ENTREP2: variants seen among roughly 807,000 people sequenced by gnomAD.
ENTREP2 encodes the protein endosomal transmembrane epsin interactor 2, also known as protein ENTREP2.
the ENTREP2 span, among the ~76,000 whole-genome samples, chr15:29,350,995 A>G: frequency 2.0e-5 from 3 of 152,198 alleles, no homozygotes; most frequent in African/African-American, 7.2e-5. Flanking sequence ...TTCATAAGAG[A>G]TAAGAGAACA....
the ENTREP2 span, chr15:29,123,783 G>T: frequency 7.7e-6 from 7 of 905,660 alleles, no homozygotes; most frequent in Admixed American, 8.5e-5. Flanking sequence ...TGGCGCTCTG[G>T]GCATGCCCTG....
At chr15:29,273,051 A>C in the ENTREP2 span, among the ~76,000 whole-genome samples, 1 of 152,132 alleles carries the variant, frequency 6.6e-6, no homozygotes, top group South Asian at 2.1e-4. Context: ...AAGAAAGCCT[A>C]ATGGCATTTA....
chr15:29,159,590 G>A, the ENTREP2 span, among the ~76,000 whole-genome samples: 1 of 152,138 alleles, frequency 6.6e-6, no homozygotes, highest in Non-Finnish European at 1.5e-5. Context: ...GCTGATTGGT[G>A]CGTTTATAAT....
chr15:29,213,657 T>C, the ENTREP2 span, among the ~76,000 whole-genome samples: 2 of 152,210 alleles, frequency 1.3e-5, no homozygotes, highest in Non-Finnish European at 2.9e-5. Context: ...GAGACTTTGC[T>C]GAATTTGCTT....
chr15:29,332,606 G>A, the ENTREP2 span, among the ~76,000 whole-genome samples: 1 of 152,244 alleles, frequency 6.6e-6, no homozygotes, highest in South Asian at 2.1e-4. Context: ...AGACAATAGT[G>A]CCCAATGCAT....
chr15:29,335,968 C>A, the ENTREP2 span, among the ~76,000 whole-genome samples: 1 of 151,768 alleles, frequency 6.6e-6, no homozygotes, highest in African/African-American at 2.4e-5. Flanking sequence ...GGTGAAACCC[C>A]ATCTCTACTA....
the ENTREP2 span, among the ~76,000 whole-genome samples, chr15:29,137,348 G>A: frequency 6.6e-6 from 1 of 152,270 alleles, no homozygotes; most frequent in South Asian, 2.1e-4. Flanking sequence ...TTAAAATGAA[G>A]GCGCCAGGAG....
At chr15:29,516,613 G>A in the ENTREP2 span, among the ~76,000 whole-genome samples, 1 of 151,814 alleles carries the variant, frequency 6.6e-6, no homozygotes, top group Non-Finnish European at 1.5e-5. Context: ...GGGATGGGGG[G>A]GTGCAGGTAC....
At chr15:29,118,169 G>A in the ENTREP2 span, 1 of 152,640 alleles carries the variant, frequency 6.6e-6, no homozygotes, top group Non-Finnish European at 1.5e-5. Flanking sequence ...CCCAGGCCTT[G>A]AAGAATACAC....
At chr15:29,216,588 CTCAGGGACACTGA>C in the ENTREP2 span, among the ~76,000 whole-genome samples, 2 of 152,158 alleles carry the variant, frequency 1.3e-5, no homozygotes, top group Non-Finnish European at 2.9e-5. Flanking sequence ...TCTCTTCTTT[CTCAGGGACACTGA>C]TCATTCTTAG....
the ENTREP2 span, among the ~76,000 whole-genome samples, chr15:29,130,095 G>A: frequency 4.4e-4 from 67 of 152,222 alleles, no homozygotes; most frequent in African/African-American, 1.2e-3. Flanking sequence ...ACACCAGGGC[G>A]GGGGCTGGGG....
chr15:29,208,762 G>A, the ENTREP2 span, among the ~76,000 whole-genome samples: 1 of 152,148 alleles, frequency 6.6e-6, no homozygotes, highest in Admixed American at 6.5e-5. Flanking sequence ...AGCAATACAC[G>A]AGAATAGCCA....
At chr15:29,604,194 TCA>T in the ENTREP2 span, among the ~76,000 whole-genome samples, 1 of 152,204 alleles carries the variant, frequency 6.6e-6, no homozygotes, top group African/African-American at 2.4e-5. Flanking sequence ...AAAAAGATCA[TCA>T]GTCTACTTAG....
the ENTREP2 span, among the ~76,000 whole-genome samples, chr15:29,159,457 G>A: frequency 6.6e-6 from 1 of 152,200 alleles, no homozygotes; most frequent in African/African-American, 2.4e-5. Context: ...GGTTGCTACT[G>A]CTAGCTTGGG....
the ENTREP2 span, among the ~76,000 whole-genome samples, chr15:29,654,210 T>G: frequency 6.6e-6 from 1 of 152,196 alleles, no homozygotes; most frequent in Non-Finnish European, 1.5e-5. Flanking sequence ...TTTTTGTAAT[T>G]GTACACTAAA....
chr15:29,555,250 A>G, the ENTREP2 span, among the ~76,000 whole-genome samples: 1 of 152,130 alleles, frequency 6.6e-6, no homozygotes, highest in South Asian at 2.1e-4. Flanking sequence ...ACCTCTCCGT[A>G]GCACCTGAAT....
chr15:29,474,778 C>T, the ENTREP2 span, among the ~76,000 whole-genome samples: 2 of 152,120 alleles, frequency 1.3e-5, no homozygotes, highest in African/African-American at 4.8e-5. Context: ...TGGTCTCGAA[C>T]TCCTGACCTC....
At chr15:29,380,595 C>T in the ENTREP2 span, among the ~76,000 whole-genome samples, 3 of 152,116 alleles carry the variant, frequency 2.0e-5, no homozygotes, top group Admixed American at 6.5e-5. Context: ...CACAAATCTG[C>T]TCAGGGCATT....
the ENTREP2 span, among the ~76,000 whole-genome samples, chr15:29,283,484 G>T: frequency 6.6e-6 from 1 of 152,152 alleles, no homozygotes; most frequent in Non-Finnish European, 1.5e-5. Flanking sequence ...CAGTAGCTGG[G>T]ATTACAGGCA....
Sources: gnomAD v4.1 joint callset for allele counts (sites outside exome capture counted in the v4.1 genomes callset) on GRCh38, gnomAD v4.1.1 for gene constraint, MANE v1.5 for transcripts, NCBI Gene and HGNC (gene_info 2026-07-23, HGNC 2026-07-21) for gene names.